The following DNAAF11 variants were observed in gnomAD, a reference collection of about 807,000 sequenced individuals.
DNAAF11 encodes dynein axonemal assembly factor 11, also known as leucine rich repeat containing 6.
DNAAF11 carries 45 observed loss-of-function variants against 60.8 expected under a neutral mutation model. The ratio of observed to expected loss-of-function variants is 0.74; its 90% CI spans 0.58 to 0.95. The LOEUF (loss-of-function observed/expected upper bound fraction) is 0.95, where lower values mean the gene tolerates loss of function less well. Ranked by LOEUF, DNAAF11 falls within the 40% of genes least tolerant of loss-of-function variation. DNAAF11 has a pLI of 0.00. For synonymous variants in DNAAF11, 191 were observed against 183.5 expected (o/e 1.04, Z -0.33); for missense variants, 546 against 546.2 (o/e 1.00, Z 0.00).
At chr8:132,681,003 C>CTTTTTTTT in the DNAAF11 span, among the ~76,000 whole-genome samples, 7,197 of 52,288 alleles carry the variant, frequency 0.14, 2,131 homozygotes, top group African/African-American at 0.27. Context: ...ATAACTATTC[C>CTTTTTTTT]TTTTTTTTTT....
rs146443703 is a variant in DNAAF11, at chr8:132,598,100, T to A, written c.1140+12066A>T. ...GGCAACATCAGAATTTCATTTCCTC[T>A]TCTGCAAAATGATAATCACCCCTAC... On this transcript the variant is annotated intron_variant, in intron 10 of 11. Transcript: ENST00000620350. 5.3e-5 allele frequency among the ~76,000 whole-genome samples: 8 copies of A among 152,332 alleles called. No individual in the cohort carries two copies. The East Asian group carries it at 1.3e-3, about 26-fold the overall frequency.
chr8:132,640,280 T>A (rs1416212666), intron 3 of DNAAF11, among the ~76,000 whole-genome samples: 1 of 152,156 alleles, frequency 6.6e-6, no homozygotes, highest in African/African-American at 2.4e-5. Flanking sequence ...CCTTCAATGG[T>A]GATATATCCC....
intron 9 of DNAAF11, among the ~76,000 whole-genome samples, chr8:132,610,936 C>T (rs1049768414): frequency 6.6e-6 from 1 of 151,990 alleles, no homozygotes. Flanking sequence ...CTCCAATAGC[C>T]CAGGCTGGAG....
At chr8:132,587,080 T>C (rs1815980750) in intron 10 of DNAAF11, among the ~76,000 whole-genome samples, 1 of 152,114 alleles carries the variant, frequency 6.6e-6, no homozygotes, top group Non-Finnish European at 1.5e-5. Flanking sequence ...CATGCACCAA[T>C]GAGAATGGGA....
At chr8:132,682,631 A>G in the DNAAF11 span, among the ~76,000 whole-genome samples, 1 of 152,348 alleles carries the variant, frequency 6.6e-6, no homozygotes, top group East Asian at 1.9e-4. Context: ...GTATGGACAC[A>G]TTACTCTTCC....
the DNAAF11 span, among the ~76,000 whole-genome samples, chr8:132,700,174 C>CT: frequency 1.3e-5 from 2 of 152,118 alleles, no homozygotes; most frequent in Non-Finnish European, 2.9e-5. Flanking sequence ...ATATTATTTT[C>CT]TTTTTTGTAG....
At chr8:132,687,518 C>A in the DNAAF11 span, 1 of 441,776 alleles carries the variant, frequency 2.3e-6, no homozygotes, top group Non-Finnish European at 4.6e-6. Flanking sequence ...CATCTCATCG[C>A]TTCAGACAGA....
intron 7 of DNAAF11, among the ~76,000 whole-genome samples, chr8:132,618,802 G>C (rs974090057): frequency 6.6e-6 from 1 of 152,124 alleles, no homozygotes; most frequent in African/African-American, 2.4e-5. Context: ...GAAACAACAG[G>C]TGTTGGAGAG....
In DNAAF11 at chr8:132,646,614, T is replaced by C. The variant is rs550387965; in HGVS notation, c.257-8507A>G. On this transcript the variant is annotated intron_variant, in intron 3 of 11. Transcript: ENST00000620350. ...CCCATCTCACGTGCAGAGACACACA[T>C]TGGCTCAAAATAAAGGGATGGAGGA... Among the ~76,000 whole-genome samples, 23 of 152,266 alleles carry C rather than the reference T, an allele frequency of 1.5e-4. 1 individual carries two copies. The highest frequency in any genetic ancestry group is 6.5e-5 in the Admixed American group (1 of 15,298).
chr8:132,622,898 G>A, intron 6 of DNAAF11: 1 of 501,034 alleles, frequency 2.0e-6, no homozygotes, highest in Non-Finnish European at 3.5e-6. Flanking sequence ...TTATATGGTT[G>A]TATCTGTATC....
chr8:132,692,152 T>C, the DNAAF11 span, among the ~76,000 whole-genome samples: 1 of 146,040 alleles, frequency 6.8e-6, no homozygotes, highest in East Asian at 2.0e-4. Flanking sequence ...TTTACGGAAG[T>C]AGTGACAGAG....
At chr8:132,673,387 G>T (rs1825376733) in intron 1 of DNAAF11, among the ~76,000 whole-genome samples, 1 of 152,164 alleles carries the variant, frequency 6.6e-6, no homozygotes, top group Non-Finnish European at 1.5e-5. Context: ...TTGGAGGAGT[G>T]CTTGTCATCT....
intron 7 of DNAAF11, among the ~76,000 whole-genome samples, chr8:132,621,115 A>G (rs113695920): frequency 2.8e-3 from 431 of 152,278 alleles, no homozygotes; most frequent in African/African-American, 9.8e-3. Context: ...CTATATCTAG[A>G]TGGCTTGTCC....
intron 3 of DNAAF11, among the ~76,000 whole-genome samples, chr8:132,652,227 A>AC (rs1823090101): frequency 6.6e-6 from 1 of 152,214 alleles, no homozygotes; most frequent in Non-Finnish European, 1.5e-5. Context: ...CTTGCAGAGT[A>AC]CACAGTGGCT....
intron 10 of DNAAF11, among the ~76,000 whole-genome samples, chr8:132,600,326 T>C (rs1817477458): frequency 1.3e-5 from 2 of 152,222 alleles, no homozygotes; most frequent in Admixed American, 1.3e-4. Flanking sequence ...AGAATCAATA[T>C]TGTAAAAATG....
chr8:132,598,895 C>A (rs1350049752), intron 10 of DNAAF11, among the ~76,000 whole-genome samples: 1 of 152,140 alleles, frequency 6.6e-6, no homozygotes, highest in African/African-American at 2.4e-5. Context: ...CATTCAAAAG[C>A]TAGCAGAAGG....
chr8:132,636,923 C>T (rs1299344295), intron 4 of DNAAF11, among the ~76,000 whole-genome samples: 2 of 152,124 alleles, frequency 1.3e-5, no homozygotes, highest in Non-Finnish European at 2.9e-5. Context: ...AAGAAACAAA[C>T]GTCCTTTGAG....
At chr8:132,656,677 G>T (rs1171307704) in intron 3 of DNAAF11, among the ~76,000 whole-genome samples, 153 bp downstream of exon 3, 1 of 152,070 alleles carries the variant, frequency 6.6e-6, no homozygotes, top group African/African-American at 2.4e-5. Context: ...TAATCATATT[G>T]GTCAGGCTGG....
rs1821460043 is a variant in DNAAF11 at position 132,637,919 on chromosome 8, ATTAAAAGAACCATACC to A, written c.429_429+15del. 6.3e-7 allele frequency: 1 copy of A among 1,590,144 alleles called. No individual in the cohort carries two copies. The highest frequency in any genetic ancestry group is 1.8e-5 in the Admixed American group (1 of 56,296). On this transcript the variant is annotated splice_donor_variant and splice_donor_5th_base_variant and coding_sequence_variant and intron_variant, in exon 4 of 12. Coordinates refer to ENST00000620350, the MANE Select transcript of DNAAF11 (RefSeq NM_012472.6). LOFTEE classifies it high-confidence loss of function. ...CTCATTTATCTGTGATTTCTGCACC[ATTAAAAGAACCATACC>A]TTTAATTGTGGAAGAGTTGCTACCA...
Sources: gnomAD v4.1 joint callset for allele counts (sites outside exome capture counted in the v4.1 genomes callset) on GRCh38, gnomAD v4.1.1 for gene constraint, MANE v1.5 for transcripts, NCBI Gene and HGNC (gene_info 2026-07-23, HGNC 2026-07-21) for gene names.